MYH4: variants seen among roughly 807,000 people sequenced by gnomAD.
MYH4 encodes myosin heavy chain 4.
MYH4 carries 200 observed loss-of-function variants against 229.9 expected under a neutral mutation model. The ratio of observed to expected loss-of-function variants is 0.87; its 90% CI spans 0.78 to 0.98. The LOEUF is 0.98. Among genes scored for constraint, MYH4 ranks in the 50% least tolerant of loss-of-function variants. The pLI is 0.00. For synonymous variants in MYH4, 761 were observed against 834.6 expected, an observed-to-expected ratio of 0.91 and a Z score of 1.52; for missense variants, 2,148 against 2,332.6, an observed-to-expected ratio of 0.92 and a Z score of 1.63.
intron 39 of MYH4, 66 bp downstream of exon 39, chr17:10,444,538 A>G: frequency 8.1e-7 from 1 of 1,231,708 alleles, no homozygotes; most frequent in Non-Finnish European, 1.2e-6. Flanking sequence ...AAATTCTATA[A>G]ACTTTAGGCC....
chr17:10,447,820 T>G lies in MYH4; in HGVS notation c.4963A>C (p.Lys1655Gln), dbSNP rs759191247. The change falls in exon 34 of 40, where the codon AAG becomes CAG. Residue 1655 changes from lysine to glutamine, a missense_variant and splice_region_variant. Physicochemically the swap from Lys to Gln is moderately conservative, Grantham distance 53. Coordinates refer to ENST00000255381, the MANE Select transcript of MYH4 (RefSeq NM_017533.2). Reference sequence around the variant, plus strand: ...TATGTGTATTTACCCCAGCATACCTTCAGTATTCCTTGTGTGTTTCTAAGA... The same window carrying G: ...TATGTGTATTTACCCCAGCATACCTGCAGTATTCCTTGTGTGTTTCTAAGA... Reference protein sequence around the residue: ...RNLRNTQGILKDTQLHLDDAI... With the variant: ...RNLRNTQGILQDTQLHLDDAI... 1.3e-5 allele frequency: 21 copies of G among 1,607,482 alleles called. No homozygotes were observed. The highest frequency in any genetic ancestry group is 1.7e-5 in the Admixed American group (1 of 59,654).
intron 4 of MYH4, among the ~76,000 whole-genome samples, chr17:10,465,976 G>T (rs1019885597): frequency 6.6e-6 from 1 of 151,278 alleles, no homozygotes; most frequent in Non-Finnish European, 1.5e-5. Context: ...GGGTTTCACC[G>T]TTTTAGCCGG....
chr17:10,455,016 T>C lies in MYH4; in HGVS notation c.2360A>G (p.Gln787Arg). The C allele has an allele frequency of 6.2e-7, 1 of 1,614,220 alleles. No homozygotes were observed. Among genetic ancestry groups the C allele is most frequent in the Non-Finnish European group, 8.5e-7 (1 of 1,180,034 alleles). The part of the protein sequence containing the change: ...LEEMRDEKLA[Q>R]LITRTQAICR... ...TATGGCTTGAGTGCGCGTGATGAGT[T>C]GAGCTAGCTTTTCATCTCGCATTTC... Residue 787 changes from glutamine (Q) to arginine (R), a missense_variant, in exon 21 of 40, where the codon CAA (glutamine) becomes CGA (arginine). Coordinates refer to ENST00000255381, the MANE Select transcript of MYH4 (RefSeq NM_017533.2).
intron 5 of MYH4, 37 bp from the exon 6 acceptor site, chr17:10,464,745 C>T: frequency 6.3e-7 from 1 of 1,595,848 alleles, no homozygotes; most frequent in Non-Finnish European, 8.6e-7. Flanking sequence ...TTTAGAAAAA[C>T]ACACTTAACA....
Position 10,463,340 on chromosome 17 carries a change from G to A in MYH4, c.803C>T (p.Thr268Ile). The A allele has an allele frequency of 6.2e-7, 1 of 1,607,572 alleles. No individual in the cohort carries two copies. Among genetic ancestry groups the A allele is most frequent in the Non-Finnish European group, 8.5e-7 (1 of 1,176,346 alleles). ...ATCACTAATATTTATTAACTTACAT[G>A]TTTCAATATCTGCAGAAGCCAGTTT... is the stretch of plus-strand genomic sequence containing the variant. ...TGKLASADIE[T>I]YLLEKSRVTF... The change falls in exon 9 of 40, where the codon ACA (threonine) becomes ATA (isoleucine). Residue 268 changes from threonine to isoleucine, a missense_variant and splice_region_variant. Coordinates refer to ENST00000255381, the MANE Select transcript of MYH4 (RefSeq NM_017533.2).
In MYH4 at chr17:10,449,967, G is replaced by A. The variant is rs184816574; in HGVS notation, c.4181+486C>T. 1.1e-4 allele frequency among the ~76,000 whole-genome samples: 16 copies of A among 152,148 alleles called. 1 individual carries two copies. Among genetic ancestry groups the A allele is most frequent in the Non-Finnish European group, 1.9e-4 (13 of 68,000 alleles). On this transcript the variant is annotated intron_variant, in intron 30 of 39. Coordinates refer to ENST00000255381, the MANE Select transcript of MYH4 (RefSeq NM_017533.2). ...CTGTAAATCTCATGACTTGTAGTCC[G>A]CAAACAGTACGTGTAATTAGTGAAT... is the stretch of plus-strand genomic sequence containing the variant.
Position 10,447,100 on chromosome 17 carries a change from T to A in MYH4, c.5082A>T (p.Ala1694=), listed in dbSNP as rs2072520304. The change falls in exon 35 of 40, where the codon GCA becomes GCT. Residue 1694 remains alanine (A), a synonymous_variant. Coordinates refer to ENST00000255381, the MANE Select transcript of MYH4 (RefSeq NM_017533.2). ...TGCCTCTCTCAGTCCGTTCCAGGGA[T>A]GCCCTGAGCTCTTCAACTTCAGCCT... ...LMQAEVEELR[A]SLERTERGRK... The A allele has an allele frequency of 6.2e-7, 1 of 1,614,170 alleles. No homozygotes were observed. Among genetic ancestry groups the A allele is most frequent in the Non-Finnish European group, 8.5e-7 (1 of 1,180,030 alleles).
chr17:10,448,730 G>C lies in MYH4; in HGVS notation c.4419C>G (p.Ala1473=), dbSNP rs771285719. 6.2e-7 allele frequency: 1 copy of C among 1,614,086 alleles called. No individual in the cohort carries two copies. The highest frequency in any genetic ancestry group is 1.1e-5 in the South Asian group (1 of 91,084). The change falls in exon 32 of 40, where the codon GCC becomes GCG. Residue 1473 remains alanine (A), a synonymous_variant. Coordinates refer to ENST00000255381, the MANE Select transcript of MYH4 (RefSeq NM_017533.2). ...TGAGAGAACGCGACTCCTTCTGGGA[G>C]GCCTCAAGTTCAGCCTGAGTTTCCT... ...KYEETQAELE[A]SQKESRSLST...
intron 28 of MYH4, 50 bp from the exon 29 acceptor site, chr17:10,450,945 A>G (rs1164639268): frequency 2.1e-6 from 3 of 1,430,490 alleles, no homozygotes; most frequent in African/African-American, 2.8e-5. Context: ...TAGGTAAACA[A>G]TAATTTAAAG....
At chr17:10,446,492 C>T (rs1006360030) in intron 35 of MYH4, among the ~76,000 whole-genome samples, 1 of 152,104 alleles carries the variant, frequency 6.6e-6, no homozygotes, top group African/African-American at 2.4e-5. Flanking sequence ...ACAGTGGTTA[C>T]ATATTAGCCA....
At chr17:10,451,527 T>A in intron 27 of MYH4, 75 bp from the exon 28 acceptor site, 3 of 1,489,626 alleles carry the variant, frequency 2.0e-6, no homozygotes, top group East Asian at 2.3e-5. Context: ...GATCTGTAAC[T>A]ACCTGTGGAA....
At chr17:10,445,167 G>C (rs1319979868) in intron 36 of MYH4, 21 bp from the exon 37 acceptor site, 1 of 1,614,020 alleles carries the variant, frequency 6.2e-7, no homozygotes, top group African/African-American at 1.3e-5. Flanking sequence ...AATAAATTTT[G>C]AAAATAATGA....
At chr17:10,460,388 T>A in intron 12 of MYH4, 67 bp from the exon 13 acceptor site, 1 of 1,258,776 alleles carries the variant, frequency 7.9e-7, no homozygotes, top group Admixed American at 2.2e-5. Context: ...TAAATGATGA[T>A]GACAAAGAAA....
rs1362038893 is a variant in MYH4 at position 10,452,502 on chromosome 17, C to A, written c.3262G>T (p.Glu1088Ter). 4 of 1,613,710 alleles carry A rather than the reference C, an allele frequency of 2.5e-6. No homozygotes were observed. Among genetic ancestry groups the A allele is most frequent in the Non-Finnish European group, 1.7e-6 (2 of 1,179,774 alleles). The part of the protein sequence containing the change: ...QQLNEKLKKK[E>*]FEMSNLQGKI... ...CCTTGCAGATTGCTCATTTCAAACT[C>A]TTTCCTATTAGAAGAGCAACACATT... Residue 1088 changes from glutamate (E) to a stop codon, truncating the protein, a stop_gained, in exon 26 of 40, where the codon GAG (glutamate) becomes TAG (stop). Transcript: ENST00000255381. LOFTEE classifies it high-confidence loss of function.
chr17:10,461,373 C>T (rs936546943), intron 11 of MYH4, among the ~76,000 whole-genome samples: 4 of 152,162 alleles, frequency 2.6e-5, no homozygotes, highest in Non-Finnish European at 5.9e-5. Context: ...TTCTCCACCC[C>T]AGCCCCCCTT....
intron 9 of MYH4, 44 bp downstream of exon 9, chr17:10,463,294 C>A: frequency 6.4e-7 from 1 of 1,559,398 alleles, no homozygotes; most frequent in Admixed American, 1.8e-5. Flanking sequence ...TAATATGTAC[C>A]CACAAAGAAA....
intron 2 of MYH4, among the ~76,000 whole-genome samples, chr17:10,467,387 G>T (rs932924683): frequency 6.6e-6 from 1 of 152,064 alleles, no homozygotes; most frequent in Non-Finnish European, 1.5e-5. Flanking sequence ...ACAGGTATTA[G>T]GTAAGTAAAG....
chr17:10,446,859 G>C (rs1414022551), intron 35 of MYH4, among the ~76,000 whole-genome samples, 154 bp downstream of exon 35: 2 of 152,194 alleles, frequency 1.3e-5, no homozygotes, highest in Non-Finnish European at 2.9e-5. Flanking sequence ...TCGTGAACCA[G>C]CTAGGTCCCA....
chr17:10,460,435 A>G (rs2072688199), intron 12 of MYH4, 114 bp from the exon 13 acceptor site: 3 of 833,972 alleles, frequency 3.6e-6, no homozygotes, highest in Non-Finnish European at 5.7e-6. Flanking sequence ...TGCAAATGTC[A>G]TTGAAACCTT....
Sources: gnomAD v4.1 joint callset for allele counts (sites outside exome capture counted in the v4.1 genomes callset) on GRCh38, gnomAD v4.1.1 for gene constraint, MANE v1.5 for transcripts, NCBI Gene and HGNC (gene_info 2026-07-23, HGNC 2026-07-21) for gene names.